NDUFA9: variants seen among roughly 807,000 people sequenced by gnomAD.
The protein encoded by NDUFA9 is NADH dehydrogenase [ubiquinone] 1 alpha subcomplex subunit 9, mitochondrial.
NDUFA9 carries 23 observed loss-of-function variants against 45.9 expected under a neutral mutation model. The ratio of observed to expected loss-of-function variants is 0.50; its 90% CI spans 0.36 to 0.71. The LOEUF (loss-of-function observed/expected upper bound fraction) is 0.71, where lower values mean the gene tolerates loss of function less well. Ranked by LOEUF, NDUFA9 falls within the 30% of genes least tolerant of loss-of-function variation. The pLI is 0.00. For missense variants in NDUFA9, 466 were observed against 488.2 expected (o/e 0.95, Z 0.43); for synonymous variants, 176 against 170.5 (o/e 1.03, Z -0.25).
intron 6 of NDUFA9, among the ~76,000 whole-genome samples, chr12:4,665,364 T>C (rs1945847089): frequency 6.6e-6 from 1 of 152,228 alleles, no homozygotes; most frequent in Non-Finnish European, 1.5e-5. Context: ...CTTATTTGAC[T>C]TAGCATAATA....
intron 5 of NDUFA9, among the ~76,000 whole-genome samples, chr12:4,660,280 C>T (rs1172493295): frequency 4.6e-5 from 7 of 152,184 alleles, no homozygotes; most frequent in South Asian, 4.1e-4. Flanking sequence ...GCAACTTCAG[C>T]ACCAGTATTT....
Position 4,690,776 on chromosome 12 carries a change from G to T in NDUFA9, c.*3668G>T, listed in dbSNP as rs1392251485. On this transcript the variant is annotated 3_prime_UTR_variant, in exon 11 of 11. Transcript: ENST00000266544. ...AAGCATATATGGGAATATATGCAAAGATCTCTGAGAAGATAAAGAAAGGTC... is the reference window on the plus strand; with the variant it reads ...AAGCATATATGGGAATATATGCAAATATCTCTGAGAAGATAAAGAAAGGTC... 6.6e-6 allele frequency: 1 copy of T among 152,120 alleles called. No individual in the cohort carries two copies. Among genetic ancestry groups the T allele is most frequent in the Non-Finnish European group, 1.5e-5 (1 of 68,026 alleles). The allele number at this position is 152,120 out of a possible 1,614,324, so 9.4% of individuals were successfully genotyped here.
chr12:4,666,407 A>G (rs1945853358), intron 6 of NDUFA9, among the ~76,000 whole-genome samples: 1 of 152,030 alleles, frequency 6.6e-6, no homozygotes, highest in South Asian at 2.1e-4. Flanking sequence ...AGGCTTATCT[A>G]TTTTTACTTT....
chr12:4,655,008 T>A, intron 3 of NDUFA9, 86 bp downstream of exon 3: 2 of 1,119,274 alleles, frequency 1.8e-6, no homozygotes, highest in Non-Finnish European at 2.6e-6. Context: ...AATAAAGCAG[T>A]AATTTCTTCC....
chr12:4,657,712 C>G (rs1945798894), intron 3 of NDUFA9, 36 bp from the exon 4 acceptor site: 1 of 1,482,950 alleles, frequency 6.7e-7, no homozygotes, highest in African/African-American at 1.4e-5. Context: ...GAGGTATACC[C>G]CTATGTTTTC....
At chr12:4,666,174 C>T (rs1013389407) in intron 6 of NDUFA9, among the ~76,000 whole-genome samples, 2 of 152,068 alleles carry the variant, frequency 1.3e-5, no homozygotes, top group African/African-American at 2.4e-5. Context: ...TGCTTTTTGG[C>T]TACTTTATTA....
In NDUFA9 at chr12:4,690,512, G is replaced by C. The variant is rs1314538549; in HGVS notation, c.*3404G>C. The C allele has an allele frequency of 6.6e-6, 1 of 152,094 alleles. No individual in the cohort carries two copies. Among genetic ancestry groups the C allele is most frequent in the Non-Finnish European group, 1.5e-5 (1 of 68,076 alleles). 9.4% of individuals were successfully genotyped at this position (152,094 alleles called of 1,614,324 possible). A position where few individuals can be genotyped will look rare whatever the true frequency, so the allele number is the denominator to read the frequency against. On this transcript the variant is annotated 3_prime_UTR_variant, in exon 11 of 11. Coordinates refer to ENST00000266544, the MANE Select transcript of NDUFA9 (RefSeq NM_005002.5). ...GAGGTTAGGAGTTCAAGACCAGCCT[G>C]GCCAATATGGTGAAACCCCGTCTCT... is the stretch of plus-strand genomic sequence containing the variant.
intron 8 of NDUFA9, among the ~76,000 whole-genome samples, chr12:4,672,596 A>G (rs1054323011): frequency 1.3e-5 from 2 of 152,210 alleles, no homozygotes; most frequent in Admixed American, 1.3e-4. Flanking sequence ...TTCCCCTCAC[A>G]GTAAACAAAG....
chr12:4,682,607 C>G (rs1320516875), intron 9 of NDUFA9, among the ~76,000 whole-genome samples: 1 of 152,192 alleles, frequency 6.6e-6, no homozygotes, highest in Admixed American at 6.5e-5. Flanking sequence ...TTGCTAGGCA[C>G]ATATGTAAGG....
At chr12:4,658,922 A>T in intron 4 of NDUFA9, 114 bp from the exon 5 acceptor site, 1 of 1,132,516 alleles carries the variant, frequency 8.8e-7, no homozygotes, top group Non-Finnish European at 1.3e-6. Context: ...ATTGCTGTTT[A>T]AAAGTTTAAG....
chr12:4,660,445 C>T (rs1034280269), intron 5 of NDUFA9, among the ~76,000 whole-genome samples: 1 of 152,048 alleles, frequency 6.6e-6, no homozygotes, highest in Non-Finnish European at 1.5e-5. Flanking sequence ...GGTTTCTGAT[C>T]CTGGAGGTCA....
At chr12:4,666,409 T>TTTTAC in intron 6 of NDUFA9, among the ~76,000 whole-genome samples, 1 of 152,336 alleles carries the variant, frequency 6.6e-6, no homozygotes, top group East Asian at 1.9e-4. Flanking sequence ...GCTTATCTAT[T>TTTTAC]TTTACTTTTG....
chr12:4,651,124 T>C (rs1250188006), intron 1 of NDUFA9, among the ~76,000 whole-genome samples: 1 of 152,186 alleles, frequency 6.6e-6, no homozygotes, highest in East Asian at 1.9e-4. Flanking sequence ...TGGTACTACA[T>C]AGAACGTGCA....
At chr12:4,672,911 C>G (rs1001499541) in intron 8 of NDUFA9, among the ~76,000 whole-genome samples, 1 of 152,212 alleles carries the variant, frequency 6.6e-6, no homozygotes, top group Non-Finnish European at 1.5e-5. Context: ...TCAAGTGGAT[C>G]CCTGCCCCCG....
intron 1 of NDUFA9, among the ~76,000 whole-genome samples, chr12:4,650,039 G>C (rs1033187383): frequency 6.6e-6 from 1 of 152,042 alleles, no homozygotes; most frequent in African/African-American, 2.4e-5. Context: ...TATTTTAGTC[G>C]TTACAGAATA....
chr12:4,682,308 G>GCCCATTTGAGCCCTGGATAACAAGGGAT lies in NDUFA9; in HGVS notation c.896+8_896+9insCCCATTTGAGCCCTGGATAACAAGGGAT. 6.3e-7 allele frequency: 1 copy of GCCCATTTGAGCCCTGGATAACAAGGGAT among 1,595,266 alleles called. No individual in the cohort carries two copies. Among genetic ancestry groups the GCCCATTTGAGCCCTGGATAACAAGGGAT allele is most frequent in the Non-Finnish European group, 8.6e-7 (1 of 1,163,468 alleles). On this transcript the variant is annotated intron_variant, in intron 9 of 10. Transcript: ENST00000266544. ...GCCGCTTTTTGCCTATCGGTAAGTA[G>GCCCATTTGAGCCCTGGATAACAAGGGAT]AGTGCTCCTTTTGTGTGACTTCTGA...
rs1324078027 is a variant in NDUFA9 at position 4,691,740 on chromosome 12, G to T, written c.*4632G>T. ...CCTCCCTGGAAGCAGAGGGTGGTGG[G>T]GTTTTTGAGGGCTGTGTGAGAGTGT... On this transcript the variant is annotated 3_prime_UTR_variant, in exon 11 of 11. Coordinates refer to ENST00000266544, the MANE Select transcript of NDUFA9 (RefSeq NM_005002.5). 10 of 152,074 alleles carry T rather than the reference G, an allele frequency of 6.6e-5. No individual in the cohort carries two copies. Among genetic ancestry groups the T allele is most frequent in the Admixed American group, 5.2e-4 (8 of 15,284 alleles). 9.4% of individuals were successfully genotyped at this position (152,074 alleles called of 1,614,324 possible).
chr12:4,670,058 A>G (rs562624171), intron 8 of NDUFA9, among the ~76,000 whole-genome samples: 1 of 152,304 alleles, frequency 6.6e-6, no homozygotes, highest in Admixed American at 6.5e-5. Flanking sequence ...ACCCTTAGGG[A>G]TGGTTTTGTA....
chr12:4,653,268 T>G (rs934278986), intron 1 of NDUFA9, among the ~76,000 whole-genome samples: 11 of 152,254 alleles, frequency 7.2e-5, no homozygotes, highest in African/African-American at 2.7e-4. Context: ...CTATAATTGC[T>G]ACACTTAATT....
Sources: gnomAD v4.1 joint callset for allele counts (sites outside exome capture counted in the v4.1 genomes callset) on GRCh38, gnomAD v4.1.1 for gene constraint, MANE v1.5 for transcripts, NCBI Gene and HGNC (gene_info 2026-07-23, HGNC 2026-07-21) for gene names.